EPHB1: variants seen among roughly 807,000 people sequenced by gnomAD.
EPHB1 encodes the protein ephrin type-B receptor 1.
A neutral mutation model predicts 94.4 loss-of-function variants in EPHB1; 30 were observed. That is an observed-to-expected ratio of 0.32 (90% CI 0.24 to 0.43). EPHB1 has a LOEUF of 0.43. EPHB1 is among the 20% of genes least tolerant of loss of function. The probability of loss-of-function intolerance (pLI) is 1.00; values close to 1 mark genes in which losing one functional copy is unlikely to be tolerated. For missense variants in EPHB1, 1,055 were observed against 1,308.3 expected, an observed-to-expected ratio of 0.81 and a Z score of 2.99; for synonymous variants, 522 against 489.1, an observed-to-expected ratio of 1.07 and a Z score of -0.89.
At chr3:135,151,492 C>T (rs1466719372) in intron 5 of EPHB1, among the ~76,000 whole-genome samples, 4 of 152,150 alleles carry the variant, frequency 2.6e-5, no homozygotes, top group Non-Finnish European at 5.9e-5. Context: ...GTGTCCCTTT[C>T]CCCTTTCCAT....
chr3:134,932,663 A>C (rs571943954), intron 2 of EPHB1, among the ~76,000 whole-genome samples: 1 of 152,338 alleles, frequency 6.6e-6, no homozygotes, highest in South Asian at 2.1e-4. Flanking sequence ...AATATCAGTA[A>C]AAAGTTTTCC....
intron 3 of EPHB1, among the ~76,000 whole-genome samples, chr3:135,002,874 G>A (rs1215225075): frequency 3.3e-5 from 5 of 151,402 alleles, no homozygotes; most frequent in African/African-American, 7.3e-5. Context: ...TCTTGCTAGC[G>A]GTCTATCAAT....
chr3:135,127,587 G>A (rs1004906573), intron 4 of EPHB1, among the ~76,000 whole-genome samples: 1 of 152,144 alleles, frequency 6.6e-6, no homozygotes, highest in Non-Finnish European at 1.5e-5. Context: ...GCCTTATTAA[G>A]ATTCCTGATA....
intron 15 of EPHB1, among the ~76,000 whole-genome samples, chr3:135,258,303 A>G (rs890015189): frequency 1.1e-4 from 17 of 152,184 alleles, no homozygotes; most frequent in African/African-American, 4.1e-4. Context: ...ATGCTTTCAC[A>G]TAGGTTTAAA....
At chr3:135,133,152 C>A in intron 5 of EPHB1, 103 bp downstream of exon 5, 1 of 1,174,658 alleles carries the variant, frequency 8.5e-7, no homozygotes, top group Non-Finnish European at 1.2e-6. Flanking sequence ...CGTGTACTGT[C>A]AGGCCTCTGC....
At chr3:135,168,363 G>C (rs1213253627) in intron 9 of EPHB1, among the ~76,000 whole-genome samples, 1 of 152,232 alleles carries the variant, frequency 6.6e-6, no homozygotes, top group Admixed American at 6.5e-5. Flanking sequence ...GCTATATTCA[G>C]AGTCCTGCTT....
chr3:135,208,290 C>CGTACGTGTGT (rs1942951557), intron 12 of EPHB1, among the ~76,000 whole-genome samples: 1 of 142,684 alleles, frequency 7.0e-6, no homozygotes, highest in East Asian at 2.0e-4. Flanking sequence ...CCTTTCATGA[C>CGTACGTGTGT]GTGTGTGTGT....
chr3:134,931,501 T>C (rs1314778054), intron 2 of EPHB1, among the ~76,000 whole-genome samples: 1 of 152,238 alleles, frequency 6.6e-6, no homozygotes, highest in Non-Finnish European at 1.5e-5. Flanking sequence ...TTCAAAAAAG[T>C]GCTGCGAGGG....
rs747024011 is a variant in EPHB1 at position 135,025,165 on chromosome 3, C to CTT, written c.805+73128_805+73129dup. ...TCCTTCCTTCCCTCCTTCCTTCTTT[C>CTT]TTTTTTTTTTTTTTTTCAAGAAGGT... On this transcript the variant is annotated intron_variant, in intron 3 of 15. Transcript: ENST00000398015. Among the ~76,000 whole-genome samples, 475 of 80,746 alleles carry CTT rather than the reference C, an allele frequency of 5.9e-3. 5 individuals carry two copies. Among genetic ancestry groups the CTT allele is most frequent in the African/African-American group, 0.021 (433 of 20,600 alleles). The allele number at this position is 80,746 out of a possible 152,430, so 53.0% of individuals were successfully genotyped here. A position where few individuals can be genotyped will look rare whatever the true frequency, so the allele number is the denominator to read the frequency against.
At chr3:135,191,570 G>A (rs1942456778) in intron 10 of EPHB1, among the ~76,000 whole-genome samples, 1 of 151,910 alleles carries the variant, frequency 6.6e-6, no homozygotes, top group African/African-American at 2.4e-5. Context: ...TGAAAGAATT[G>A]GAAGTAACCA....
At chr3:135,250,262 A>G (rs1274010945) in intron 15 of EPHB1, among the ~76,000 whole-genome samples, 1 of 152,226 alleles carries the variant, frequency 6.6e-6, no homozygotes. Context: ...CCATAGAACC[A>G]TATTTTTGAG....
At chr3:134,858,340 G>A (rs1334807640) in intron 1 of EPHB1, among the ~76,000 whole-genome samples, 2 of 152,134 alleles carry the variant, frequency 1.3e-5, no homozygotes, top group African/African-American at 2.4e-5. Flanking sequence ...TTGTATGTGT[G>A]TCTGTGAACA....
intron 3 of EPHB1, among the ~76,000 whole-genome samples, chr3:135,022,793 G>A (rs1936028723): frequency 6.6e-6 from 1 of 152,048 alleles, no homozygotes; most frequent in Non-Finnish European, 1.5e-5. Flanking sequence ...ATTTAAATGG[G>A]TTTTATTACT....
chr3:134,946,319 T>G (rs1447930090), intron 2 of EPHB1, among the ~76,000 whole-genome samples: 1 of 152,192 alleles, frequency 6.6e-6, no homozygotes, highest in Non-Finnish European at 1.5e-5. Flanking sequence ...AGGATGAAGT[T>G]CAAAATTCTC....
At chr3:135,118,769 A>C (rs1446586320) in intron 4 of EPHB1, among the ~76,000 whole-genome samples, 1 of 152,206 alleles carries the variant, frequency 6.6e-6, no homozygotes, top group Non-Finnish European at 1.5e-5. Context: ...ACAGAATTGC[A>C]CAGGGAGGCC....
intron 5 of EPHB1, among the ~76,000 whole-genome samples, chr3:135,138,558 A>T (rs1394468513): frequency 6.6e-6 from 1 of 152,244 alleles, no homozygotes; most frequent in African/African-American, 2.4e-5. Context: ...GCCTGTAAAA[A>T]TGTGGAGTGT....
intron 2 of EPHB1, among the ~76,000 whole-genome samples, chr3:134,950,058 C>T (rs1932953558): frequency 6.6e-6 from 1 of 152,200 alleles, no homozygotes; most frequent in African/African-American, 2.4e-5. Flanking sequence ...CTCATAATCT[C>T]TTTTAGCCAT....
chr3:135,114,537 TAAAAAAA>T (rs56100882), intron 4 of EPHB1, among the ~76,000 whole-genome samples: 5 of 37,220 alleles, frequency 1.3e-4, no homozygotes, highest in Non-Finnish European at 2.3e-4. Flanking sequence ...CTGTCTCTAC[TAAAAAAA>T]AAAAAAAAAA....
chr3:135,145,121 A>T (rs1332497982), intron 5 of EPHB1, among the ~76,000 whole-genome samples: 1 of 152,214 alleles, frequency 6.6e-6, no homozygotes, highest in Non-Finnish European at 1.5e-5. Context: ...ATATTTGGGC[A>T]ATGAAATGAG....
Sources: gnomAD v4.1 joint callset for allele counts (sites outside exome capture counted in the v4.1 genomes callset) on GRCh38, gnomAD v4.1.1 for gene constraint, MANE v1.5 for transcripts, NCBI Gene and HGNC (gene_info 2026-07-23, HGNC 2026-07-21) for gene names.